Variants in ZDBF2 observed in about 807,000 individuals in gnomAD.
ZDBF2 encodes DBF4-type zinc finger-containing protein 2.
ZDBF2 carries 6 observed loss-of-function variants against 9.4 expected under a neutral mutation model. The ratio of observed to expected loss-of-function variants is 0.64; its 90% confidence interval spans 0.35 to 1.27. The LOEUF is 1.27. Ranked by LOEUF, ZDBF2 falls within the 50% of genes most tolerant of loss-of-function variation. The pLI, the probability that ZDBF2 is intolerant of heterozygous loss-of-function variation, is 0.03. For synonymous variants in ZDBF2, 905 were observed against 946.3 expected (o/e 0.96, Z 0.80); for missense variants, 2,697 against 2,766.8 (o/e 0.97, Z 0.57).
intron 4 of ZDBF2, among the ~76,000 whole-genome samples, chr2:206,302,470 C>G (rs1387151484): frequency 5.9e-5 from 9 of 152,132 alleles, no homozygotes; most frequent in Admixed American, 5.9e-4. Context: ...GATGGCAGTT[C>G]ATGACCTTCT....
intron 4 of ZDBF2, among the ~76,000 whole-genome samples, chr2:206,299,073 G>A (rs1467921894): frequency 2.0e-5 from 3 of 151,174 alleles, no homozygotes; most frequent in African/African-American, 7.3e-5. Flanking sequence ...TAGAGACAGG[G>A]TTTCACCATG....
Position 206,314,155 on chromosome 2 carries a change from T to A in ZDBF2, c.*2562T>A, listed in dbSNP as rs1481639965. On this transcript the variant is annotated 3_prime_UTR_variant, in exon 5 of 5. Coordinates refer to ENST00000374423, the MANE Select transcript of ZDBF2 (RefSeq NM_020923.3). ...TTCTTGTTCAGTATTTTGCGTAGATTTTTATTGTAATTGTCCTGAGTTCTA... is the reference window on the plus strand; with the variant it reads ...TTCTTGTTCAGTATTTTGCGTAGATATTTATTGTAATTGTCCTGAGTTCTA... 1.3e-5 allele frequency: 2 copies of A among 151,912 alleles called. No individual in the cohort carries two copies. Among genetic ancestry groups the A allele is most frequent in the African/African-American group, 4.8e-5 (2 of 41,392 alleles). 9.4% of individuals were successfully genotyped at this position (151,912 alleles called of 1,614,324 possible). A position where few individuals can be genotyped will look rare whatever the true frequency, so the allele number is the denominator to read the frequency against.
At chr2:206,298,370 C>A (rs1161013195) in intron 4 of ZDBF2, among the ~76,000 whole-genome samples, 1 of 152,190 alleles carries the variant, frequency 6.6e-6, no homozygotes, top group Non-Finnish European at 1.5e-5. Context: ...AAGGGATAAA[C>A]TTCTTTGCCT....
At chr2:206,297,866 A>C (rs1022869587) in intron 4 of ZDBF2, among the ~76,000 whole-genome samples, 3 of 152,070 alleles carry the variant, frequency 2.0e-5, no homozygotes, top group African/African-American at 7.2e-5. Context: ...TTTTTATTAG[A>C]GTTGAGGTTT....
At chr2:206,297,659 A>G (rs1692264887) in intron 4 of ZDBF2, among the ~76,000 whole-genome samples, 1 of 152,062 alleles carries the variant, frequency 6.6e-6, no homozygotes, top group Non-Finnish European at 1.5e-5. Flanking sequence ...GCAGGGGGAA[A>G]AGGAGGAAGA....
In ZDBF2 at chr2:206,307,791, A is replaced by C. The variant is rs952677262; in HGVS notation, c.3263A>C (p.Gln1088Pro). ...ATAACTTTTGATTCTGAACAACTTC[A>C]GGAAGCGGTTAAAAAAATAGACCAA... Reference protein sequence around the residue: ...SKITFDSEQLQEAVKKIDQWK... With the variant: ...SKITFDSEQLPEAVKKIDQWK... The change falls in exon 5 of 5, where the codon CAG (glutamine) becomes CCG (proline). Residue 1088 changes from glutamine (Q) to proline (P), a missense_variant. Transcript: ENST00000374423. 1 of 1,610,806 alleles carries C rather than the reference A, an allele frequency of 6.2e-7. No individual in the cohort carries two copies. Among genetic ancestry groups the C allele is most frequent in the Admixed American group, 1.7e-5 (1 of 59,286 alleles).
Position 206,311,242 on chromosome 2 carries a change from T to C in ZDBF2, c.6714T>C (p.Tyr2238=), listed in dbSNP as rs762136288. 1.2e-6 allele frequency: 2 copies of C among 1,611,470 alleles called. No individual in the cohort carries two copies. Among genetic ancestry groups the C allele is most frequent in the Non-Finnish European group, 1.7e-6 (2 of 1,178,724 alleles). The change falls in exon 5 of 5, where the codon TAT becomes TAC. Residue 2238 remains tyrosine, a synonymous_variant. Coordinates refer to ENST00000374423, the MANE Select transcript of ZDBF2 (RefSeq NM_020923.3). ...SKYSVFLRHR[Y]QSRSAFLGRY... The stretch of plus-strand genomic sequence containing the variant: ...ACTCTGTCTTTTTACGTCATAGATA[T>C]CAGTCCAGGAGCGCTTTTCTTGGAA...
At chr2:206,300,820 T>G (rs572073449) in intron 4 of ZDBF2, among the ~76,000 whole-genome samples, 1 of 152,344 alleles carries the variant, frequency 6.6e-6, no homozygotes, top group East Asian at 1.9e-4. Flanking sequence ...TAATACTTAT[T>G]TATATCATTA....
In ZDBF2 at chr2:206,282,100, A is replaced by G. The variant is rs577418921; in HGVS notation, c.60+191A>G. ...AAGCCTCTTTTTTCATGAAGCTTAT[A>G]TTCTAGTATAGTAAGACAGAAGATA... is the stretch of plus-strand genomic sequence containing the variant. On this transcript the variant is annotated intron_variant, in intron 3 of 4. Transcript: ENST00000374423. Among the ~76,000 whole-genome samples the G allele has an allele frequency of 3.9e-5, 6 of 152,356 alleles. No homozygotes were observed. In the South Asian group the frequency reaches 1.2e-3, roughly 32 times the overall value.
In ZDBF2 at chr2:206,308,574, A is replaced by G; in HGVS notation, c.4046A>G (p.Glu1349Gly). Residue 1349 changes from glutamate to glycine, a missense_variant, in exon 5 of 5, where the codon GAG (glutamate) becomes GGG (glycine). Transcript: ENST00000374423. The stretch of plus-strand genomic sequence containing the variant: ...ATAAAACAACCACACATTTTGGAAG[A>G]GGAGCATGCCAGTCTGGAAGATAAG... ...SVIKQPHILEEEHASLEDKSS... is the reference protein window; with the variant it reads ...SVIKQPHILEGEHASLEDKSS... 1 of 1,613,558 alleles carries G rather than the reference A, an allele frequency of 6.2e-7. No homozygotes were observed. The highest frequency in any genetic ancestry group is 8.5e-7 in the Non-Finnish European group (1 of 1,179,814).
intron 3 of ZDBF2, among the ~76,000 whole-genome samples, chr2:206,289,185 A>AG (rs1691756499): frequency 6.6e-6 from 1 of 151,992 alleles, no homozygotes; most frequent in African/African-American, 2.4e-5. Context: ...CTATTTCCCC[A>AG]GGGGGCAATG....
At chr2:206,296,063 G>C (rs530099050) in intron 3 of ZDBF2, among the ~76,000 whole-genome samples, 5 of 152,004 alleles carry the variant, frequency 3.3e-5, no homozygotes, top group Admixed American at 6.5e-5. Context: ...TTTACTCATT[G>C]AAAAATATAA....
At position 206,308,052 on chromosome 2, in the gene ZDBF2, C is replaced by T. The variant is rs1692917217; in HGVS notation, c.3524C>T (p.Pro1175Leu). ...TTGGGTCAGTCAATAGTCAATCGAC[C>T]TCAAATAACTATTTTGGAGCAGGAG... ...GFLGQSIVNR[P>L]QITILEQEHI... Residue 1175 changes from proline (P) to leucine (L), a missense_variant, in exon 5 of 5, where the codon CCT becomes CTT. Transcript: ENST00000374423. 6.2e-7 allele frequency: 1 copy of T among 1,613,862 alleles called. No homozygotes were observed. The highest frequency in any genetic ancestry group is 1.3e-5 in the African/African-American group (1 of 75,028).
At position 206,313,584 on chromosome 2, in the gene ZDBF2, G is replaced by A. The variant is rs1693284588; in HGVS notation, c.*1991G>A. On this transcript the variant is annotated 3_prime_UTR_variant, in exon 5 of 5. Transcript: ENST00000374423. ...ATAGTTCCCTTAAATATTATTAATA[G>A]ACATTCTACAGTCTTTCAGTGTAAG... The A allele has an allele frequency of 6.6e-6, 1 of 152,084 alleles. No individual in the cohort carries two copies. Among genetic ancestry groups the A allele is most frequent in the Admixed American group, 6.5e-5 (1 of 15,274 alleles). 9.4% of individuals were successfully genotyped at this position (152,084 alleles called of 1,614,324 possible).
intron 4 of ZDBF2, among the ~76,000 whole-genome samples, chr2:206,301,552 G>A (rs950199801): frequency 5.3e-5 from 8 of 151,922 alleles, no homozygotes; most frequent in African/African-American, 1.7e-4. Flanking sequence ...GTATATGTGT[G>A]TGTGTATATC....
intron 3 of ZDBF2, among the ~76,000 whole-genome samples, chr2:206,284,576 C>A (rs918683706): frequency 5.9e-5 from 9 of 152,292 alleles, no homozygotes; most frequent in African/African-American, 1.7e-4. Flanking sequence ...ATTTTGTATT[C>A]ATTAATTATC....
rs2105788659 is a variant in ZDBF2 at position 206,313,571 on chromosome 2, A to G, written c.*1978A>G. On this transcript the variant is annotated 3_prime_UTR_variant, in exon 5 of 5. Transcript: ENST00000374423. ...ATGGAATAGACACATAGTTCCCTTA[A>G]ATATTATTAATAGACATTCTACAGT... The G allele has an allele frequency of 6.6e-6, 1 of 152,288 alleles. No individual in the cohort carries two copies. Among genetic ancestry groups the G allele is most frequent in the South Asian group, 2.1e-4 (1 of 4,830 alleles). 9.4% of individuals were successfully genotyped at this position (152,288 alleles called of 1,614,324 possible). A position where few individuals can be genotyped will look rare whatever the true frequency, so the allele number is the denominator to read the frequency against.
Position 206,289,611 on chromosome 2 carries a change from A to G in ZDBF2, c.61-7635A>G, listed in dbSNP as rs141579970. On this transcript the variant is annotated intron_variant, in intron 3 of 4. Transcript: ENST00000374423. ...AAAAGGGAGCCATGGCTACTTGCCAATGGAGCAAAACACGTTTCAGCCATA... is the reference window on the plus strand; with the variant it reads ...AAAAGGGAGCCATGGCTACTTGCCAGTGGAGCAAAACACGTTTCAGCCATA... Among the ~76,000 whole-genome samples, 115 of 152,314 alleles carry G rather than the reference A, an allele frequency of 7.6e-4. 1 individual carries two copies. In the East Asian group the frequency reaches 0.011, roughly 14 times the overall value.
chr2:206,309,249 G>A lies in ZDBF2; in HGVS notation c.4721G>A (p.Ser1574Asn), dbSNP rs754229056. The A allele has an allele frequency of 2.0e-5, 32 of 1,608,834 alleles. No individual in the cohort carries two copies. The highest frequency in any genetic ancestry group is 2.5e-5 in the Non-Finnish European group (30 of 1,177,302). Residue 1574 changes from serine to asparagine, a missense_variant, in exon 5 of 5, where the codon AGC becomes AAC. Ser to Asn is a conservative substitution (Grantham distance 46). This residue lies in a region of ZDBF2 where 1,783 missense variants were observed against 1,776.5 expected (regional missense o/e 1.00). Coordinates refer to ENST00000374423, the MANE Select transcript of ZDBF2 (RefSeq NM_020923.3). ...GAATGTATTGATATAGAAGATAAGAGCTGTGACTTTTTTGGTTCTGAAGTC... is the reference window on the plus strand; with the variant it reads ...GAATGTATTGATATAGAAGATAAGAACTGTGACTTTTTTGGTTCTGAAGTC... The part of the protein sequence containing the change: ...NTECIDIEDK[S>N]CDFFGSEVRC...
Sources: allele counts gnomAD v4.1 joint callset (sites outside exome capture counted in the v4.1 genomes callset), GRCh38; gene constraint gnomAD v4.1.1; regional missense constraint gnomAD v4.1.1; transcripts MANE v1.5; gene names NCBI Gene and HGNC (gene_info 2026-07-23, HGNC 2026-07-21).